The following SLC10A7 variants were observed in gnomAD, a reference collection of about 807,000 sequenced individuals.
The protein encoded by SLC10A7 is solute carrier family 10 member 7.
SLC10A7 carries 29 observed loss-of-function variants against 43.2 expected under a neutral mutation model. That is an observed-to-expected ratio of 0.67 (90% CI 0.50 to 0.92). SLC10A7 has a LOEUF of 0.92. Ranked by LOEUF, SLC10A7 falls within the 40% of genes least tolerant of loss-of-function variation. SLC10A7 has a pLI of 0.00. For synonymous variants in SLC10A7, 152 were observed against 144.8 expected (o/e 1.05, Z -0.35); for missense variants, 295 against 403.2 (o/e 0.73, Z 2.30).
intron 6 of SLC10A7, among the ~76,000 whole-genome samples, chr4:146,311,036 C>T (rs990547669): frequency 1.3e-5 from 2 of 151,930 alleles, no homozygotes; most frequent in East Asian, 1.9e-4. Flanking sequence ...ACTGGTTTCT[C>T]GACTCTCCCA....
At chr4:146,295,830 T>C (rs1234624277) in intron 7 of SLC10A7, among the ~76,000 whole-genome samples, 1 of 152,176 alleles carries the variant, frequency 6.6e-6, no homozygotes, top group Non-Finnish European at 1.5e-5. Flanking sequence ...TGCCCTTCAA[T>C]CTTGTTTTTA....
chr4:146,295,862 C>A lies in SLC10A7; in HGVS notation c.556-1767G>T, dbSNP rs1036271829. On this transcript the variant is annotated intron_variant, in intron 7 of 11. Transcript: ENST00000335472. ...TTTAATACACAATGGTTAAAAACACCACAAAATTTCTCTCTCTGCAATAGG... is the reference window on the plus strand; with the variant it reads ...TTTAATACACAATGGTTAAAAACACAACAAAATTTCTCTCTCTGCAATAGG... 3.3e-5 allele frequency among the ~76,000 whole-genome samples: 5 copies of A among 151,888 alleles called. 1 individual carries two copies. Among genetic ancestry groups the A allele is most frequent in the Middle Eastern group, 3.2e-3 (1 of 316 alleles).
chr4:146,414,758 AGC>A (rs1728452519), intron 5 of SLC10A7, among the ~76,000 whole-genome samples: 1 of 151,880 alleles, frequency 6.6e-6, no homozygotes, highest in African/African-American at 2.4e-5. Context: ...ACTGCTTAAG[AGC>A]TTACACAGAC....
intron 5 of SLC10A7, among the ~76,000 whole-genome samples, chr4:146,379,172 ACCAT>A (rs1239389803): frequency 6.6e-6 from 1 of 152,124 alleles, no homozygotes; most frequent in East Asian, 1.9e-4. Context: ...AGCTCACAAA[ACCAT>A]TAGGATCCTA....
At chr4:146,470,971 T>C (rs1733519280) in intron 4 of SLC10A7, among the ~76,000 whole-genome samples, 2 of 152,252 alleles carry the variant, frequency 1.3e-5, no homozygotes, top group African/African-American at 4.8e-5. Flanking sequence ...ACATGAGATG[T>C]ATTTAAAATA....
chr4:146,384,671 T>A (rs1204161585), intron 5 of SLC10A7, among the ~76,000 whole-genome samples: 1 of 152,070 alleles, frequency 6.6e-6, no homozygotes, highest in Non-Finnish European at 1.5e-5. Flanking sequence ...TTTATAGAAA[T>A]ATAAAATCAG....
intron 4 of SLC10A7, among the ~76,000 whole-genome samples, chr4:146,481,621 C>G (rs1006529570): frequency 1.3e-5 from 2 of 152,196 alleles, no homozygotes; most frequent in African/African-American, 4.8e-5. Context: ...GCTGTGCCCC[C>G]CAGGGGCAGT....
intron 11 of SLC10A7, among the ~76,000 whole-genome samples, chr4:146,257,424 A>T (rs554028672): frequency 1.9e-4 from 29 of 152,254 alleles, no homozygotes; most frequent in Admixed American, 1.8e-3. Context: ...TCTAAAAGTG[A>T]TGTTACATTT....
At chr4:146,476,529 G>A (rs1012441969) in intron 4 of SLC10A7, among the ~76,000 whole-genome samples, 12 of 151,966 alleles carry the variant, frequency 7.9e-5, no homozygotes, top group Non-Finnish European at 1.6e-4. Context: ...TGGGGTGAAC[G>A]GTAAAGGGGA....
chr4:146,515,408 TG>T (rs1417222840), intron 2 of SLC10A7, among the ~76,000 whole-genome samples: 2 of 152,202 alleles, frequency 1.3e-5, no homozygotes, highest in African/African-American at 4.8e-5. Flanking sequence ...AGAACTCATA[TG>T]TTGACAGAAA....
At chr4:146,438,534 T>C (rs1170022468) in intron 5 of SLC10A7, among the ~76,000 whole-genome samples, 1 of 152,100 alleles carries the variant, frequency 6.6e-6, no homozygotes, top group Non-Finnish European at 1.5e-5. Flanking sequence ...TTCTAATGTT[T>C]ATAACATCAT....
At chr4:146,480,439 C>A (rs2149984001) in intron 4 of SLC10A7, among the ~76,000 whole-genome samples, 2 of 152,242 alleles carry the variant, frequency 1.3e-5, no homozygotes, top group Middle Eastern at 6.8e-3. Context: ...CCAAGGTAGG[C>A]AATCCAGGGC....
At position 146,450,692 on chromosome 4, in the gene SLC10A7, G is replaced by A. The variant is rs548752639; in HGVS notation, c.397-7871C>T. Among the ~76,000 whole-genome samples the A allele has an allele frequency of 2.0e-5, 3 of 152,198 alleles. No individual in the cohort carries two copies. The South Asian group carries it at 6.2e-4, about 32-fold the overall frequency. On this transcript the variant is annotated intron_variant, in intron 4 of 11. Transcript: ENST00000335472. ...TTACAAATTTAAGAAAGTAGTATAA[G>A]GTCTGTATCAAAGGTGGGTGTAAGG...
intron 5 of SLC10A7, among the ~76,000 whole-genome samples, chr4:146,404,988 C>T (rs374261706): frequency 1.3e-5 from 2 of 152,030 alleles, no homozygotes; most frequent in African/African-American, 2.4e-5. Context: ...CTGTTACTAA[C>T]GAGTGACCTG....
At chr4:146,393,476 G>A (rs975204249) in intron 5 of SLC10A7, among the ~76,000 whole-genome samples, 2 of 152,074 alleles carry the variant, frequency 1.3e-5, no homozygotes, top group Non-Finnish European at 2.9e-5. Flanking sequence ...TAACAACTTT[G>A]ACATAATCAG....
intron 7 of SLC10A7, among the ~76,000 whole-genome samples, chr4:146,299,877 G>C (rs1311539991): frequency 6.6e-6 from 1 of 152,130 alleles, no homozygotes; most frequent in Non-Finnish European, 1.5e-5. Flanking sequence ...AGCGGGGTTG[G>C]GCCTTTGTGA....
chr4:146,476,611 A>G (rs2149976702), intron 4 of SLC10A7, among the ~76,000 whole-genome samples: 1 of 152,214 alleles, frequency 6.6e-6, no homozygotes, highest in Non-Finnish European at 1.5e-5. Context: ...GGGATGCTGG[A>G]TCTCCTTTCT....
At chr4:146,386,508 G>A (rs544335641) in intron 5 of SLC10A7, among the ~76,000 whole-genome samples, 49 of 152,150 alleles carry the variant, frequency 3.2e-4, no homozygotes, top group Non-Finnish European at 6.6e-4. Context: ...CAAACTGTGT[G>A]TGTGACATTG....
chr4:146,287,223 C>A (rs1020373749), intron 9 of SLC10A7, among the ~76,000 whole-genome samples: 1 of 151,224 alleles, frequency 6.6e-6, no homozygotes. Flanking sequence ...TGAGAAGGAC[C>A]GTCTTTGGAG....
Sources: allele counts gnomAD v4.1 joint callset (sites outside exome capture counted in the v4.1 genomes callset), GRCh38; gene constraint gnomAD v4.1.1; transcripts MANE v1.5; gene names NCBI Gene and HGNC (gene_info 2026-07-23, HGNC 2026-07-21).